DNAH7: variants seen among roughly 807,000 people sequenced by gnomAD.
The protein encoded by DNAH7 is dynein axonemal heavy chain 7.
DNAH7 carries 397 observed loss-of-function variants against 444.6 expected under a neutral mutation model. The observed-to-expected ratio is 0.89, with a 90% CI of 0.82 to 0.97. The LOEUF (loss-of-function observed/expected upper bound fraction) is 0.97, where lower values mean the gene tolerates loss of function less well. DNAH7 is among the 50% of genes least tolerant of loss of function. The pLI is 0.00. For missense variants in DNAH7, 4,902 were observed against 4,800.8 expected (o/e 1.02, Z -0.62); for synonymous variants, 1,636 against 1,624.4 (o/e 1.01, Z -0.17).
intron 31 of DNAH7, among the ~76,000 whole-genome samples, chr2:195,890,188 A>G (rs1390918411): frequency 6.6e-6 from 1 of 152,118 alleles, no homozygotes; most frequent in East Asian, 1.9e-4. Context: ...GGCTCAAGCC[A>G]CCCCACACCC....
intron 63 of DNAH7, among the ~76,000 whole-genome samples, chr2:195,747,452 A>G (rs1263448600): frequency 6.6e-6 from 1 of 152,222 alleles, no homozygotes; most frequent in Admixed American, 6.5e-5. Context: ...TATTCCAATC[A>G]ATAGAGAAAG....
intron 12 of DNAH7, among the ~76,000 whole-genome samples, chr2:195,988,769 A>G (rs1389157371): frequency 6.6e-6 from 1 of 152,122 alleles, no homozygotes; most frequent in Non-Finnish European, 1.5e-5. Flanking sequence ...GTGCAATAGA[A>G]CACCAGAACT....
chr2:195,984,585 A>G (rs753693273), intron 15 of DNAH7, 47 bp downstream of exon 15: 6 of 1,517,090 alleles, frequency 4.0e-6, no homozygotes, highest in African/African-American at 1.4e-5. Flanking sequence ...TATTGTGTCA[A>G]TAATTAATTG....
At chr2:195,887,209 T>C (rs555383335) in intron 33 of DNAH7, among the ~76,000 whole-genome samples, 3 of 152,190 alleles carry the variant, frequency 2.0e-5, no homozygotes, top group Non-Finnish European at 4.4e-5. Context: ...ATGTTTCAGT[T>C]ACATAGAAAA....
At chr2:195,863,072 T>C (rs1488176846) in intron 41 of DNAH7, among the ~76,000 whole-genome samples, 1 of 152,192 alleles carries the variant, frequency 6.6e-6, no homozygotes, top group Non-Finnish European at 1.5e-5. Context: ...ATTTACTCCC[T>C]ATTTGCTACC....
At chr2:195,847,955 T>C (rs1009541844) in intron 46 of DNAH7, among the ~76,000 whole-genome samples, 2 of 152,144 alleles carry the variant, frequency 1.3e-5, no homozygotes, top group East Asian at 3.9e-4. Context: ...CCAAGGTTCG[T>C]GTTCAGAAAG....
intron 5 of DNAH7, among the ~76,000 whole-genome samples, chr2:196,042,790 G>A (rs1231911661): frequency 6.6e-6 from 1 of 152,042 alleles, no homozygotes; most frequent in Non-Finnish European, 1.5e-5. Context: ...AATTTAGCAT[G>A]TCTTAAAAAG....
At chr2:195,775,761 A>C (rs1270778602) in intron 60 of DNAH7, 85 bp downstream of exon 60, 8 of 1,420,712 alleles carry the variant, frequency 5.6e-6, no homozygotes, top group African/African-American at 1.5e-5. Flanking sequence ...AGAATTGTGT[A>C]AGGAAGCCTG....
chr2:195,960,744 A>C lies in DNAH7; in HGVS notation c.2407T>G (p.Tyr803Asp). 1.2e-6 allele frequency: 2 copies of C among 1,614,158 alleles called. No homozygotes were observed. Among genetic ancestry groups the C allele is most frequent in the Non-Finnish European group, 1.7e-6 (2 of 1,180,014 alleles). The change falls in exon 18 of 65, where the codon TAC becomes GAC. Residue 803 changes from tyrosine to aspartate, a missense_variant. Physicochemically the swap from Tyr to Asp is radical, Grantham distance 160 (BLOSUM62 -3). Coordinates refer to ENST00000312428, the MANE Select transcript of DNAH7 (RefSeq NM_018897.3). The stretch of plus-strand genomic sequence containing the variant: ...TCCAGTTTATATAATCCTCTCCAGT[A>C]ATTTCCAATATCTGCTTCTACTTGG... The part of the protein sequence containing the change: ...PDQVEADIGN[Y>D]WRGLYKLEKT...
At position 195,814,740 on chromosome 2, in the gene DNAH7, A is replaced by AT. The variant is rs992975912; in HGVS notation, c.9761+1887dup. On this transcript the variant is annotated intron_variant, in intron 51 of 64. Coordinates refer to ENST00000312428, the MANE Select transcript of DNAH7 (RefSeq NM_018897.3). Reference sequence around the variant, plus strand: ...AGCACTGTCGTAACTACTGGGAATAATTTTTTTTTTTCTTTTGGAGATGGG... The same window carrying AT: ...AGCACTGTCGTAACTACTGGGAATAATTTTTTTTTTTTCTTTTGGAGATGGG... 6.7e-3 allele frequency among the ~76,000 whole-genome samples: 999 copies of AT among 148,360 alleles called. 5 individuals carry two copies. Among genetic ancestry groups the AT allele is most frequent in the Non-Finnish European group, 0.011 (752 of 66,786 alleles).
At chr2:196,063,476 A>T (rs903530438) in intron 1 of DNAH7, 1 of 152,226 alleles carries the variant, frequency 6.6e-6, no homozygotes, top group African/African-American at 2.4e-5. Context: ...GAGTTCTTCT[A>T]CTATTAGAAC....
intron 41 of DNAH7, 80 bp from the exon 42 acceptor site, chr2:195,862,026 A>G (rs1475363948): frequency 2.8e-6 from 3 of 1,087,586 alleles, no homozygotes; most frequent in Non-Finnish European, 4.1e-6. Flanking sequence ...TTTACAACTT[A>G]TGGATGTTGG....
rs565347503 is a variant in DNAH7 at position 195,960,969 on chromosome 2, A to AT, written c.2206-25dup. On this transcript the variant is annotated intron_variant, in intron 17 of 64. Transcript: ENST00000312428. ...ATCTGAAAGGATAAGTATTGAATAT[A>AT]TTAGTTATTTTGAAAGTGAATGATA... The AT allele has an allele frequency of 2.2e-4, 322 of 1,466,080 alleles. 7 individuals carry two copies. The South Asian group carries it at 4.9e-3, about 22-fold the overall frequency. 90.8% of individuals were successfully genotyped at this position (1,466,080 alleles called of 1,614,324 possible).
At chr2:196,030,971 G>A (rs1696017642) in intron 5 of DNAH7, among the ~76,000 whole-genome samples, 1 of 152,220 alleles carries the variant, frequency 6.6e-6, no homozygotes, top group Non-Finnish European at 1.5e-5. Flanking sequence ...AGCTCCACTA[G>A]GCGGTGCCCC....
intron 5 of DNAH7, among the ~76,000 whole-genome samples, chr2:196,043,312 C>G (rs1696890968): frequency 6.6e-6 from 1 of 151,968 alleles, no homozygotes; most frequent in South Asian, 2.1e-4. Flanking sequence ...AGAACCAAGA[C>G]AGATTACCAA....
intron 19 of DNAH7, among the ~76,000 whole-genome samples, chr2:195,942,807 G>A (rs973156306): frequency 6.6e-6 from 1 of 152,032 alleles, no homozygotes; most frequent in African/African-American, 2.4e-5. Context: ...CTACCTATGA[G>A]AGAAATCATA....
chr2:195,957,582 GTATATAATGTTA>G (rs1180082922), intron 18 of DNAH7, 135 bp from the exon 19 acceptor site: 3 of 442,498 alleles, frequency 6.8e-6, no homozygotes, highest in Non-Finnish European at 1.2e-5. Flanking sequence ...ATACAATCTT[GTATATAATGTTA>G]TACAATTGTT....
At chr2:195,902,130 A>G (rs559550032) in intron 27 of DNAH7, 1 of 152,274 alleles carries the variant, frequency 6.6e-6, no homozygotes, top group African/African-American at 2.4e-5. Context: ...CAAAAACTCA[A>G]GGTAGATAGA....
At chr2:195,840,341 T>C (rs1196844165) in intron 47 of DNAH7, among the ~76,000 whole-genome samples, 3 of 151,578 alleles carry the variant, frequency 2.0e-5, no homozygotes, top group African/African-American at 7.3e-5. Context: ...AAACTAGGAA[T>C]AGAAGGGAGT....
Sources: gnomAD v4.1 joint callset for allele counts (sites outside exome capture counted in the v4.1 genomes callset) on GRCh38, gnomAD v4.1.1 for gene constraint, MANE v1.5 for transcripts, NCBI Gene and HGNC (gene_info 2026-07-23, HGNC 2026-07-21) for gene names.